Variants in KCND2 observed in about 807,000 individuals in gnomAD.
The protein encoded by KCND2 is A-type voltage-gated potassium channel KCND2.
A neutral mutation model predicts 54.4 loss-of-function variants in KCND2; 16 were observed. That is an observed-to-expected ratio of 0.29 (90% CI 0.20 to 0.45). The LOEUF is 0.45. Among genes scored for constraint, KCND2 ranks in the 20% least tolerant of loss-of-function variants. The probability of loss-of-function intolerance (pLI) is 1.00; values close to 1 mark genes in which losing one functional copy is unlikely to be tolerated. For synonymous variants in KCND2, 317 were observed against 310.7 expected, an observed-to-expected ratio of 1.02 and a Z score of -0.21; for missense variants, 486 against 824.2, an observed-to-expected ratio of 0.59 and a Z score of 5.02.
At chr7:120,557,418 A>G (rs567469240) in intron 1 of KCND2, among the ~76,000 whole-genome samples, 2 of 152,170 alleles carry the variant, frequency 1.3e-5, no homozygotes, top group Non-Finnish European at 2.9e-5. Flanking sequence ...ACCTAGTGTT[A>G]TAAGTATCTT....
At chr7:120,345,018 A>T (rs2116372379) in intron 1 of KCND2, among the ~76,000 whole-genome samples, 1 of 152,314 alleles carries the variant, frequency 6.6e-6, no homozygotes, top group South Asian at 2.1e-4. Context: ...GCAAGGTCAA[A>T]GAGAGAAGCC....
At chr7:120,488,190 G>A (rs1802722299) in intron 1 of KCND2, among the ~76,000 whole-genome samples, 1 of 151,940 alleles carries the variant, frequency 6.6e-6, no homozygotes, top group African/African-American at 2.4e-5. Flanking sequence ...GTGAGACCCT[G>A]TCTCAAAAAA....
intron 1 of KCND2, among the ~76,000 whole-genome samples, chr7:120,511,864 A>G (rs148151108): frequency 1.9e-3 from 288 of 152,232 alleles, no homozygotes; most frequent in African/African-American, 6.6e-3. Flanking sequence ...GCTCCTCACA[A>G]AACGGAATTT....
At chr7:120,434,747 G>A (rs1188486697) in intron 1 of KCND2, among the ~76,000 whole-genome samples, 1 of 152,062 alleles carries the variant, frequency 6.6e-6, no homozygotes, top group Non-Finnish European at 1.5e-5. Flanking sequence ...GCTCGTCATA[G>A]CTCATGGGTC....
intron 1 of KCND2, among the ~76,000 whole-genome samples, chr7:120,610,996 T>G (rs1792947419): frequency 6.6e-6 from 1 of 152,198 alleles, no homozygotes; most frequent in Admixed American, 6.6e-5. Flanking sequence ...AACGCCCATC[T>G]TGCTATCCCA....
chr7:120,737,060 ACACACACACACACAC>A (rs1792880246), intron 2 of KCND2, among the ~76,000 whole-genome samples: 1 of 144,590 alleles, frequency 6.9e-6, no homozygotes, highest in African/African-American at 2.6e-5. Flanking sequence ...ACACACACAC[ACACACACACACACAC>A]AAACAAAAAA....
intron 1 of KCND2, among the ~76,000 whole-genome samples, chr7:120,379,131 A>G (rs919189923): frequency 2.0e-5 from 3 of 152,060 alleles, no homozygotes; most frequent in Non-Finnish European, 2.9e-5. Context: ...TCTAACATAC[A>G]TCATAGCCCA....
chr7:120,684,751 A>G (rs1013395015), intron 1 of KCND2, among the ~76,000 whole-genome samples: 3 of 152,154 alleles, frequency 2.0e-5, no homozygotes, highest in African/African-American at 7.2e-5. Context: ...ATCACTCGCA[A>G]TATCACCTGA....
chr7:120,659,254 C>T (rs1791838636), intron 1 of KCND2, among the ~76,000 whole-genome samples: 3 of 152,150 alleles, frequency 2.0e-5, no homozygotes, highest in Admixed American at 6.5e-5. Context: ...ATAGATGGCA[C>T]GTCTTTGGAT....
intron 1 of KCND2, among the ~76,000 whole-genome samples, chr7:120,496,536 T>C (rs1319966771): frequency 6.6e-6 from 1 of 152,112 alleles, no homozygotes; most frequent in Non-Finnish European, 1.5e-5. Flanking sequence ...GCCATTCTCC[T>C]GCCTCAGCCT....
chr7:120,571,895 C>T (rs1018059761), intron 1 of KCND2, among the ~76,000 whole-genome samples: 4 of 152,164 alleles, frequency 2.6e-5, no homozygotes, highest in African/African-American at 9.7e-5. Flanking sequence ...TCTATAATAT[C>T]ATTTAATCTC....
chr7:120,296,592 G>C (rs1799516682), intron 1 of KCND2, among the ~76,000 whole-genome samples: 1 of 152,010 alleles, frequency 6.6e-6, no homozygotes, highest in Non-Finnish European at 1.5e-5. Context: ...TAGTAAAATG[G>C]TCTAATAATG....
At chr7:120,324,639 G>T (rs925783104) in intron 1 of KCND2, among the ~76,000 whole-genome samples, 7 of 150,284 alleles carry the variant, frequency 4.7e-5, no homozygotes, top group Non-Finnish European at 9.0e-5. Flanking sequence ...TGAGGGCTCT[G>T]TTCTGTTCCA....
intron 1 of KCND2, among the ~76,000 whole-genome samples, chr7:120,656,116 T>G (rs1206558347): frequency 6.6e-6 from 1 of 152,186 alleles, no homozygotes; most frequent in Non-Finnish European, 1.5e-5. Context: ...AACTCTTTAT[T>G]GACATATGCA....
chr7:120,605,701 C>T (rs1264106815), intron 1 of KCND2, among the ~76,000 whole-genome samples: 1 of 152,158 alleles, frequency 6.6e-6, no homozygotes, highest in Non-Finnish European at 1.5e-5. Context: ...TGTGAGTGTT[C>T]CATTTCCACA....
intron 1 of KCND2, among the ~76,000 whole-genome samples, chr7:120,498,192 A>G (rs1185063816): frequency 6.6e-6 from 1 of 152,064 alleles, no homozygotes; most frequent in Non-Finnish European, 1.5e-5. Context: ...TAGTAGCAGT[A>G]TATTAAGGCC....
chr7:120,721,833 A>AT (rs1792670186), intron 1 of KCND2, among the ~76,000 whole-genome samples: 1 of 152,176 alleles, frequency 6.6e-6, no homozygotes, highest in Non-Finnish European at 1.5e-5. Flanking sequence ...TGTAGCTCCC[A>AT]TAATTCCCAC....
chr7:120,416,279 G>T (rs1801523775), intron 1 of KCND2, among the ~76,000 whole-genome samples: 1 of 152,024 alleles, frequency 6.6e-6, no homozygotes, highest in Non-Finnish European at 1.5e-5. Flanking sequence ...GCTGTTTAAT[G>T]TGCCAAACCT....
At chr7:120,510,335 T>A (rs1355045376) in intron 1 of KCND2, among the ~76,000 whole-genome samples, 1 of 152,112 alleles carries the variant, frequency 6.6e-6, no homozygotes, top group Non-Finnish European at 1.5e-5. Context: ...AATGTTGAAT[T>A]CACTTGCTTA....
Sources: allele counts gnomAD v4.1 joint callset (sites outside exome capture counted in the v4.1 genomes callset), GRCh38; gene constraint gnomAD v4.1.1; transcripts MANE v1.5; gene names NCBI Gene and HGNC (gene_info 2026-07-23, HGNC 2026-07-21).